NLGN1: variants seen among roughly 807,000 people sequenced by gnomAD.
The protein encoded by NLGN1 is neuroligin 1.
NLGN1 carries 12 observed loss-of-function variants against 65.5 expected under a neutral mutation model. The observed-to-expected ratio is 0.18, with a 90% CI of 0.12 to 0.30. The LOEUF is 0.30. Among genes scored for constraint, NLGN1 ranks in the 10% least tolerant of loss-of-function variants. NLGN1 has a pLI of 1.00. For missense variants in NLGN1, 750 were observed against 1,007.1 expected, an observed-to-expected ratio of 0.74 and a Z score of 3.46; for synonymous variants, 350 against 359.5, an observed-to-expected ratio of 0.97 and a Z score of 0.30.
chr3:173,911,556 C>A (rs1739604511), intron 4 of NLGN1, among the ~76,000 whole-genome samples: 1 of 152,138 alleles, frequency 6.6e-6, no homozygotes, highest in Admixed American at 6.6e-5. Context: ...AAAACGACAC[C>A]TTCTGGGGCA....
intron 3 of NLGN1, among the ~76,000 whole-genome samples, chr3:173,614,473 C>T (rs1238158653): frequency 6.6e-5 from 10 of 152,090 alleles, no homozygotes. Flanking sequence ...GCTAAGTTCC[C>T]ACAAACCATC....
At chr3:173,422,492 G>A (rs571407824) in intron 1 of NLGN1, among the ~76,000 whole-genome samples, 86 of 152,280 alleles carry the variant, frequency 5.6e-4, no homozygotes, top group African/African-American at 1.9e-3. Context: ...ATACCCAGCA[G>A]TAAGATTGCC....
intron 3 of NLGN1, among the ~76,000 whole-genome samples, chr3:173,722,150 T>G (rs1271758959): frequency 6.6e-6 from 1 of 152,120 alleles, no homozygotes; most frequent in Non-Finnish European, 1.5e-5. Flanking sequence ...AATGGGTTGA[T>G]AGCCTTTGCT....
At chr3:173,883,673 C>T (rs1733758531) in intron 4 of NLGN1, among the ~76,000 whole-genome samples, 2 of 151,760 alleles carry the variant, frequency 1.3e-5, no homozygotes. Context: ...AACATATATA[C>T]ATTATGTCAT....
In NLGN1 at chr3:173,533,712, G is replaced by A. The variant is rs374764803; in HGVS notation, c.-320-70567G>A. ...GTAGAAAGGTCTTGGGGCCGGGCTCGGTGGCACGTGCCTATAATCCCAGCA... is the reference window on the plus strand; with the variant it reads ...GTAGAAAGGTCTTGGGGCCGGGCTCAGTGGCACGTGCCTATAATCCCAGCA... On this transcript the variant is annotated intron_variant, in intron 2 of 6. Transcript: ENST00000457714. 1.3e-4 allele frequency among the ~76,000 whole-genome samples: 20 copies of A among 152,292 alleles called. No individual in the cohort carries two copies. The South Asian group carries it at 1.9e-3, about 14-fold the overall frequency.
At chr3:173,725,186 AAG>A (rs1463660820) in intron 3 of NLGN1, among the ~76,000 whole-genome samples, 335 of 152,300 alleles carry the variant, frequency 2.2e-3, no homozygotes, top group Middle Eastern at 6.8e-3. Context: ...ATAATAAAAA[AAG>A]AAAAAAATAA....
intron 4 of NLGN1, among the ~76,000 whole-genome samples, chr3:173,840,857 C>T (rs552683232): frequency 1.3e-4 from 20 of 152,222 alleles, no homozygotes; most frequent in Non-Finnish European, 2.4e-4. Flanking sequence ...TACTAGATTT[C>T]CAATCTTAAT....
chr3:174,173,974 C>G (rs1182639606), intron 4 of NLGN1, among the ~76,000 whole-genome samples: 1 of 152,010 alleles, frequency 6.6e-6, no homozygotes, highest in African/African-American at 2.4e-5. Context: ...TCCCTCACCT[C>G]TTTCCCACTC....
intron 3 of NLGN1, among the ~76,000 whole-genome samples, chr3:173,703,547 C>T (rs1237509779): frequency 6.6e-6 from 1 of 152,076 alleles, no homozygotes; most frequent in Non-Finnish European, 1.5e-5. Flanking sequence ...ACATAAGTAT[C>T]AGTAAATATT....
At chr3:173,696,763 A>C (rs1226865570) in intron 3 of NLGN1, among the ~76,000 whole-genome samples, 1 of 152,226 alleles carries the variant, frequency 6.6e-6, no homozygotes, top group African/African-American at 2.4e-5. Context: ...TTTTAACCAC[A>C]TAAAAATGTT....
chr3:173,639,186 A>C (rs1439157256), intron 3 of NLGN1, among the ~76,000 whole-genome samples: 1 of 152,250 alleles, frequency 6.6e-6, no homozygotes, highest in Non-Finnish European at 1.5e-5. Context: ...TATTCAAGCA[A>C]TAAACAATTT....
At chr3:174,213,366 C>T (rs965043401) in intron 4 of NLGN1, among the ~76,000 whole-genome samples, 1 of 152,104 alleles carries the variant, frequency 6.6e-6, no homozygotes, top group Non-Finnish European at 1.5e-5. Flanking sequence ...TTAAGATAAA[C>T]ACATGTCAAA....
At chr3:173,658,691 C>G (rs1320529178) in intron 3 of NLGN1, among the ~76,000 whole-genome samples, 2 of 151,932 alleles carry the variant, frequency 1.3e-5, no homozygotes, top group Non-Finnish European at 2.9e-5. Context: ...ACTAAGACTT[C>G]CTTGGGATTA....
intron 3 of NLGN1, among the ~76,000 whole-genome samples, chr3:173,624,389 C>T (rs1379699421): frequency 6.6e-6 from 1 of 152,116 alleles, no homozygotes; most frequent in African/African-American, 2.4e-5. Flanking sequence ...GTAGCATGAG[C>T]TTGTTTCATT....
At chr3:174,272,665 G>GGATGGATAGATA (rs1467184414) in intron 4 of NLGN1, among the ~76,000 whole-genome samples, 17 of 116,546 alleles carry the variant, frequency 1.5e-4, no homozygotes, top group Non-Finnish European at 2.1e-4. Flanking sequence ...ATGGATGGAT[G>GGATGGATAGATA]GATAGATAGA....
At chr3:174,026,780 A>ACTTGCTTG (rs1728919977) in intron 4 of NLGN1, among the ~76,000 whole-genome samples, 1 of 152,206 alleles carries the variant, frequency 6.6e-6, no homozygotes, top group Non-Finnish European at 1.5e-5. Context: ...ACAAGCAAAC[A>ACTTGCTTG]AAACCACTTC....
chr3:173,980,494 T>G lies in NLGN1; in HGVS notation c.646+172662T>G, dbSNP rs541276848. ...TGGCCATTCCCCTTTTGTTTGACAT[T>G]TAGTTTATTTCTATTTTTTCCTCAT... On this transcript the variant is annotated intron_variant, in intron 4 of 6. Coordinates refer to ENST00000457714, the Ensembl canonical transcript of NLGN1. 4.6e-5 allele frequency among the ~76,000 whole-genome samples: 7 copies of G among 152,220 alleles called. No homozygotes were observed. In the East Asian group the frequency reaches 1.3e-3, roughly 29 times the overall value.
intron 1 of NLGN1, among the ~76,000 whole-genome samples, chr3:173,432,101 A>G (rs1717290579): frequency 6.6e-6 from 1 of 152,158 alleles, no homozygotes; most frequent in Non-Finnish European, 1.5e-5. Context: ...CTTTGTCAAT[A>G]TGCATAACAG....
intron 4 of NLGN1, among the ~76,000 whole-genome samples, chr3:173,851,305 A>G (rs930683754): frequency 1.3e-5 from 2 of 152,234 alleles, no homozygotes; most frequent in East Asian, 1.9e-4. Flanking sequence ...TATTTCAATA[A>G]TAAATCATTC....
Sources: gnomAD v4.1 joint callset for allele counts (sites outside exome capture counted in the v4.1 genomes callset) on GRCh38, gnomAD v4.1.1 for gene constraint, MANE v1.5 for transcripts, NCBI Gene and HGNC (gene_info 2026-07-23, HGNC 2026-07-21) for gene names.